The following PCAT7 variants were observed in gnomAD, a reference collection of about 807,000 sequenced individuals.
The protein encoded by PCAT7 is prostate cancer associated transcript 7 (non-protein coding).
At chr9:94,563,403 C>T (rs550526190) in intron 2 of PCAT7, 20 of 1,613,756 alleles carry the variant, frequency 1.2e-5, no homozygotes, top group Admixed American at 6.7e-5. Flanking sequence ...GACCAGGGTG[C>T]GGTGCACGTC....
In PCAT7 at chr9:94,560,149, A is replaced by T. The variant is rs1827075429; in HGVS notation, n.441+997A>T. ...CAAAAACGAAGAAAGTGTCCAAGCA[A>T]GGCCACTGTTTCCTGCACGAGGGGT... On this transcript the variant is annotated intron_variant and non_coding_transcript_variant, in intron 2 of 8. Coordinates refer to ENST00000647389, the Ensembl canonical transcript of PCAT7. Among the ~76,000 whole-genome samples the T allele has an allele frequency of 2.0e-5, 3 of 152,178 alleles. No individual in the cohort carries two copies. The South Asian group carries it at 6.2e-4, about 32-fold the overall frequency.
At chr9:94,564,161 C>G (rs1827151703) in intron 2 of PCAT7, among the ~76,000 whole-genome samples, 1 of 152,154 alleles carries the variant, frequency 6.6e-6, no homozygotes, top group South Asian at 2.1e-4. Context: ...ACTCTCCACC[C>G]AAAACCAGAA....
chr9:94,561,142 C>G (rs1041396070), intron 2 of PCAT7, among the ~76,000 whole-genome samples: 3 of 152,054 alleles, frequency 2.0e-5, no homozygotes, highest in African/African-American at 4.8e-5. Flanking sequence ...TTTGGGGTAT[C>G]AGATAATAAA....
In PCAT7 at chr9:94,561,352, A is replaced by ATT. The variant is rs1174386595; in HGVS notation, n.441+2227_441+2228dup. Among the ~76,000 whole-genome samples the ATT allele has an allele frequency of 3.3e-4, 18 of 54,992 alleles. 2 individuals are homozygous for ATT. The East Asian group carries it at 5.1e-3, about 16-fold the overall frequency. 36.1% of individuals were successfully genotyped at this position (54,992 alleles called of 152,430 possible). A position where few individuals can be genotyped will look rare whatever the true frequency, so the allele number is the denominator to read the frequency against. On this transcript the variant is annotated intron_variant and non_coding_transcript_variant, in intron 2 of 8. Transcript: ENST00000647389. Reference sequence around the variant, plus strand: ...GCAGGCCATGTGACATGTGACCTGTATTTTTTTTTTTTTTTTTTTTTTTTT... The same window carrying ATT: ...GCAGGCCATGTGACATGTGACCTGTATTTTTTTTTTTTTTTTTTTTTTTTTTT...
At chr9:94,561,275 G>A (rs1471150189) in intron 2 of PCAT7, among the ~76,000 whole-genome samples, 1 of 149,364 alleles carries the variant, frequency 6.7e-6, no homozygotes, top group African/African-American at 2.5e-5. Context: ...AGATGCCCCT[G>A]TTGTAGGAAA....
At chr9:94,574,567 A>G (rs1827298932) in intron 3 of PCAT7, among the ~76,000 whole-genome samples, 1 of 152,106 alleles carries the variant, frequency 6.6e-6, no homozygotes, top group African/African-American at 2.4e-5. Flanking sequence ...TATGTCACAA[A>G]TATTTTCCTC....
chr9:94,559,281 C>CT (rs1426989139), intron 2 of PCAT7: 24 of 665,286 alleles, frequency 3.6e-5, no homozygotes, highest in Non-Finnish European at 2.5e-6. Flanking sequence ...TGGGCCCGAG[C>CT]TTTAGAGCCT....
chr9:94,562,289 G>A (rs1334530590), intron 2 of PCAT7, among the ~76,000 whole-genome samples: 5 of 130,604 alleles, frequency 3.8e-5, no homozygotes, highest in African/African-American at 8.9e-5. Context: ...CAGCCTGGGC[G>A]ACAGAGCAAG....
chr9:94,559,360 A>G (rs1363388057), intron 2 of PCAT7, among the ~76,000 whole-genome samples: 1 of 152,192 alleles, frequency 6.6e-6, no homozygotes, highest in Non-Finnish European at 1.5e-5. Context: ...CAGGTGACTG[A>G]GCCATGTATC....
intron 1 of PCAT7, among the ~76,000 whole-genome samples, chr9:94,557,060 ATC>A (rs1225624508): frequency 6.6e-6 from 1 of 152,054 alleles, no homozygotes; most frequent in African/African-American, 2.4e-5. Flanking sequence ...TCATTCGTTC[ATC>A]TCTCTGTCTC....
At position 94,571,611 on chromosome 9, in the gene PCAT7, G is replaced by A. The variant is rs1317707557; in HGVS notation, n.442-1368G>A. ...GGCTCATCCTCTGAGGTCTGTGGAA[G>A]AGAGGGATAAATGCCATGTGTTATT... is the stretch of plus-strand genomic sequence containing the variant. On this transcript the variant is annotated intron_variant and non_coding_transcript_variant, in intron 2 of 8. Coordinates refer to ENST00000647389, the Ensembl canonical transcript of PCAT7. 2.5e-6 allele frequency: 4 copies of A among 1,608,746 alleles called. No individual in the cohort carries two copies. The South Asian group carries it at 4.5e-5, about 18-fold the overall frequency.
intron 2 of PCAT7, among the ~76,000 whole-genome samples, chr9:94,565,802 AGAGT>A (rs1050743994): frequency 5.9e-5 from 9 of 151,970 alleles, no homozygotes; most frequent in Non-Finnish European, 1.2e-4. Flanking sequence ...TAGATAGGTG[AGAGT>A]GAGGGAGGGA....
At chr9:94,570,900 T>C (rs1228167179) in intron 2 of PCAT7, 1 of 152,234 alleles carries the variant, frequency 6.6e-6, no homozygotes, top group East Asian at 1.9e-4. Context: ...TGGGACACAG[T>C]AGATGCTCAA....
At chr9:94,555,239 CCGCGGCACCGTGG>C (rs1564176409) in exon 1 of PCAT7, 1 of 151,938 alleles carries the variant, frequency 6.6e-6, no homozygotes, top group Non-Finnish European at 1.5e-5. Flanking sequence ...GAGGCTTGAG[CCGCGGCACCGTGG>C]CGCGGCTCGC....
chr9:94,567,579 G>A, intron 2 of PCAT7: 1 of 647,608 alleles, frequency 1.5e-6, no homozygotes, highest in Non-Finnish European at 2.6e-6. Flanking sequence ...GGGAAGAATA[G>A]GGACCATATG....
intron 1 of PCAT7, chr9:94,558,722 T>G: frequency 3.8e-6 from 2 of 530,006 alleles, no homozygotes; most frequent in Non-Finnish European, 3.4e-6. Context: ...AGTCGCACTT[T>G]CCACATGTGG....
At chr9:94,563,198 G>C (rs1827134714) in intron 2 of PCAT7, 1 of 890,864 alleles carries the variant, frequency 1.1e-6, no homozygotes, top group Non-Finnish European at 1.7e-6. Flanking sequence ...TCACTCAAGG[G>C]AAACAGAGTT....
intron 2 of PCAT7, among the ~76,000 whole-genome samples, chr9:94,560,408 C>G (rs1827079107): frequency 6.6e-6 from 1 of 152,140 alleles, no homozygotes; most frequent in Non-Finnish European, 1.5e-5. Flanking sequence ...CATGACGCCC[C>G]CAGCCTGACT....
At chr9:94,568,905 T>C (rs558990) in intron 2 of PCAT7, 138,772 of 152,198 alleles carry the variant, frequency 0.91, 63,332 homozygotes, top group Non-Finnish European at 0.92. Flanking sequence ...TCTTTAGAAT[T>C]ACCAAGCAAA....
Sources: allele counts gnomAD v4.1 joint callset (sites outside exome capture counted in the v4.1 genomes callset), GRCh38; gene constraint gnomAD v4.1.1; transcripts MANE v1.5; gene names NCBI Gene and HGNC (gene_info 2026-07-23, HGNC 2026-07-21).